ADAMTS9: variants seen among roughly 807,000 people sequenced by gnomAD.
ADAMTS9 encodes the protein A disintegrin and metalloproteinase with thrombospondin motifs 9.
In ADAMTS9, 107 loss-of-function variants were observed where a neutral mutation model predicts 257.1. The ratio of observed to expected loss-of-function variants is 0.42; its 90% CI spans 0.36 to 0.49. The LOEUF is 0.49. Ranked by LOEUF, ADAMTS9 falls within the 20% of genes least tolerant of loss-of-function variation. The pLI, the probability that ADAMTS9 is intolerant of heterozygous loss-of-function variation, is 0.03. For missense variants in ADAMTS9, 2,353 were observed against 2,469.1 expected, an observed-to-expected ratio of 0.95 and a Z score of 1.00; for synonymous variants, 982 against 880.9, an observed-to-expected ratio of 1.11 and a Z score of -2.03.
At chr3:64,649,909 C>T (rs550514228) in intron 9 of ADAMTS9, 131 bp from the exon 10 acceptor site, 1 of 1,147,992 alleles carries the variant, frequency 8.7e-7, no homozygotes, top group African/African-American at 1.6e-5. Context: ...GTGCTTTATT[C>T]TTTACATCCA....
Position 64,541,382 on chromosome 3 carries a change from G to T in ADAMTS9, c.5325C>A (p.Pro1775=), listed in dbSNP as rs1575995862. 1 of 1,614,100 alleles carries T rather than the reference G, an allele frequency of 6.2e-7. No individual in the cohort carries two copies. ...CATGCACCAGTGTCACGTACTCTTT[G>T]GGGTGGTCAGAGTGCATCCCCGCAC... is the stretch of plus-strand genomic sequence containing the variant. The part of the protein sequence containing the change: ...IFCAGMHSDH[P]KEYVTLVHGD... The change falls in exon 35 of 40, where the codon CCC becomes CCA. Residue 1775 remains proline (P), a synonymous_variant. Coordinates refer to ENST00000498707, the MANE Select transcript of ADAMTS9 (RefSeq NM_182920.2).
intron 28 of ADAMTS9, among the ~76,000 whole-genome samples, chr3:64,569,768 T>G (rs2106688060): frequency 6.6e-6 from 1 of 152,332 alleles, no homozygotes; most frequent in South Asian, 2.1e-4. Flanking sequence ...TTTTTTTAAC[T>G]TTAGGAGGTG....
At chr3:64,524,957 A>G (rs929037112) in intron 38 of ADAMTS9, among the ~76,000 whole-genome samples, 5 of 152,028 alleles carry the variant, frequency 3.3e-5, no homozygotes, top group Admixed American at 1.3e-4. Context: ...TACCACCTCA[A>G]TTTTGGCCTG....
chr3:64,577,269 T>C (rs532758510), intron 28 of ADAMTS9, among the ~76,000 whole-genome samples: 230 of 152,256 alleles, frequency 1.5e-3, no homozygotes, highest in African/African-American at 5.3e-3. Context: ...TTACCCCTCA[T>C]GTGGGTAACA....
intron 30 of ADAMTS9, among the ~76,000 whole-genome samples, chr3:64,558,104 C>G (rs1439747687): frequency 2.6e-5 from 4 of 152,174 alleles, no homozygotes. Flanking sequence ...AGGGAATACA[C>G]TTTGATAGCA....
intron 3 of ADAMTS9, among the ~76,000 whole-genome samples, chr3:64,662,654 T>G (rs527892475): frequency 1.3e-5 from 2 of 152,226 alleles, no homozygotes; most frequent in African/African-American, 4.8e-5. Flanking sequence ...TATAAAACAC[T>G]TTGATGGACT....
intron 38 of ADAMTS9, among the ~76,000 whole-genome samples, chr3:64,523,329 C>A (rs1004937037): frequency 2.6e-5 from 4 of 152,080 alleles, no homozygotes; most frequent in African/African-American, 9.7e-5. Context: ...GTTATCATTT[C>A]TTTGAGGAGA....
At chr3:64,680,015 C>T (rs955605856) in intron 3 of ADAMTS9, among the ~76,000 whole-genome samples, 7 of 152,156 alleles carry the variant, frequency 4.6e-5, no homozygotes, top group Non-Finnish European at 1.0e-4. Context: ...GAACACAGAA[C>T]TGGATGGGAT....
In ADAMTS9 at chr3:64,655,873, T is replaced by C. The variant is rs1701056924; in HGVS notation, c.972A>G (p.Val324=). 1 of 1,548,522 alleles carries C rather than the reference T, an allele frequency of 6.5e-7. No individual in the cohort carries two copies. The change falls in exon 5 of 40, where the codon GTA becomes GTG. Residue 324 remains valine, a splice_region_variant and synonymous_variant. Transcript: ENST00000498707. ...TACTTGGGTCTTTATAGATAGAGGC[T>C]ACCTGCAACCGAGATAAATTTTTCA... The part of the protein sequence containing the change: ...QHYILTLMSI[V]ASIYKDPSIG...
At chr3:64,589,766 T>C (rs1389167827) in intron 28 of ADAMTS9, 1 of 152,182 alleles carries the variant, frequency 6.6e-6, no homozygotes, top group East Asian at 1.9e-4. Flanking sequence ...GTCATTTTTA[T>C]GATTTAGGTA....
At chr3:64,586,808 T>G (rs2084166519) in intron 28 of ADAMTS9, 1 of 152,142 alleles carries the variant, frequency 6.6e-6, no homozygotes, top group Non-Finnish European at 1.5e-5. Context: ...TGATGTGTCT[T>G]TGAAACAGAG....
Position 64,686,964 on chromosome 3 carries a change from T to C in ADAMTS9, c.120A>G (p.Lys40=), listed in dbSNP as rs143819846. 4 of 1,613,038 alleles carry C rather than the reference T, an allele frequency of 2.5e-6. No individual in the cohort carries two copies. The highest frequency in any genetic ancestry group is 3.4e-6 in the Non-Finnish European group (4 of 1,179,336). Residue 40 remains lysine (K), a synonymous_variant, in exon 2 of 40, where the codon AAA becomes AAG. Transcript: ENST00000498707. This position sits in a 1 kb window ranked among gnomAD's most constrained non-coding sequence, Gnocchi z 4.6. ...CGTATTCGCTCAGGGTCTCTAATAA[T>C]TTCACTGCGGAGAGAAGCAGAGGTA... The part of the protein sequence containing the change: ...RKDRLHPRQV[K]LLETLSEYEI...
intron 31 of ADAMTS9, among the ~76,000 whole-genome samples, chr3:64,548,147 C>T (rs1262157273): frequency 6.6e-6 from 1 of 152,116 alleles, no homozygotes; most frequent in Middle Eastern, 3.2e-3. Context: ...GTCTGCTCTG[C>T]CCTAATGTCT....
chr3:64,631,960 C>A (rs1450240638), intron 14 of ADAMTS9, 35 bp from the exon 15 acceptor site: 7 of 1,473,988 alleles, frequency 4.7e-6, no homozygotes, highest in Admixed American at 1.8e-5. Flanking sequence ...TAAATGTAAG[C>A]ATTATAGAGA....
chr3:64,642,006 A>G lies in ADAMTS9; in HGVS notation c.1711-13T>C. ...CATACTTGCAGTGCTGTATTTAATA[A>G]GGGGAATAGTGAGGGAGACTTGGCG... On this transcript the variant is annotated splice_polypyrimidine_tract_variant and intron_variant, in intron 11 of 39. Transcript: ENST00000498707. 1.2e-6 allele frequency: 2 copies of G among 1,613,822 alleles called. No individual in the cohort carries two copies. Among genetic ancestry groups the G allele is most frequent in the South Asian group, 1.1e-5 (1 of 91,044 alleles).
intron 28 of ADAMTS9, among the ~76,000 whole-genome samples, chr3:64,571,154 G>T (rs1380048138): frequency 6.6e-6 from 1 of 152,102 alleles, no homozygotes; most frequent in Non-Finnish European, 1.5e-5. Context: ...CCTAAAAGTT[G>T]GCAACAACCT....
At chr3:64,624,802 T>A (rs181812125) in intron 16 of ADAMTS9, among the ~76,000 whole-genome samples, 1 of 152,270 alleles carries the variant, frequency 6.6e-6, no homozygotes, top group Non-Finnish European at 1.5e-5. Context: ...TTTATTTTCA[T>A]AATTTTTGAT....
At chr3:64,652,729 C>T (rs1003273914) in intron 8 of ADAMTS9, among the ~76,000 whole-genome samples, 1 of 152,112 alleles carries the variant, frequency 6.6e-6, no homozygotes, top group African/African-American at 2.4e-5. Context: ...CACAATGCAC[C>T]AGAAAATGTG....
intron 38 of ADAMTS9, among the ~76,000 whole-genome samples, chr3:64,525,374 T>A (rs1463725788): frequency 1.3e-5 from 2 of 152,134 alleles, no homozygotes; most frequent in African/African-American, 2.4e-5. Flanking sequence ...CTCCACCCTC[T>A]GCGCCTGCAC....
Sources: gnomAD v4.1 joint callset for allele counts (sites outside exome capture counted in the v4.1 genomes callset) on GRCh38, gnomAD v4.1.1 for gene constraint, Gnocchi (gnomAD v3.1) non-coding constraint, MANE v1.5 for transcripts, NCBI Gene and HGNC (gene_info 2026-07-23, HGNC 2026-07-21) for gene names.